Variants in TEKT5 observed in about 807,000 individuals in gnomAD.
TEKT5 encodes the protein tektin-5.
A neutral mutation model predicts 48.7 loss-of-function variants in TEKT5; 52 were observed. The ratio of observed to expected loss-of-function variants is 1.07; its 90% CI spans 0.86 to 1.35. The LOEUF (loss-of-function observed/expected upper bound fraction) is 1.35, where lower values mean the gene tolerates loss of function less well. Ranked by LOEUF, TEKT5 falls within the 40% of genes most tolerant of loss-of-function variation. The probability of loss-of-function intolerance (pLI) is 0.00; values close to 1 mark genes in which losing one functional copy is unlikely to be tolerated. For missense variants in TEKT5, 831 were observed against 641.6 expected, an observed-to-expected ratio of 1.30 and a Z score of -3.19; for synonymous variants, 318 against 267.6, an observed-to-expected ratio of 1.19 and a Z score of -1.84.
At chr16:10,687,178 T>C (rs1898876489) in intron 3 of TEKT5, among the ~76,000 whole-genome samples, 1 of 152,172 alleles carries the variant, frequency 6.6e-6, no homozygotes, top group South Asian at 2.1e-4. Flanking sequence ...TTAACAACAA[T>C]GTACTGTGTT....
intron 5 of TEKT5, among the ~76,000 whole-genome samples, chr16:10,673,879 T>C (rs1415358093): frequency 6.6e-6 from 1 of 151,964 alleles, no homozygotes. Flanking sequence ...CTCGAACTCC[T>C]GACCTCAAGT....
rs1281886743 is a variant in TEKT5 at position 10,679,824 on chromosome 16, GA to G, written c.863+2168del. 3.3e-5 allele frequency among the ~76,000 whole-genome samples: 5 copies of G among 152,188 alleles called. No individual in the cohort carries two copies. The East Asian group carries it at 9.6e-4, about 29-fold the overall frequency. On this transcript the variant is annotated intron_variant, in intron 4 of 6. Transcript: ENST00000283025. ...AGGCAGGAGCATCGCTTGAACCCAG[GA>G]GATGGAGGCTGTGGTGAGCCGAGAT...
chr16:10,685,293 T>C (rs567955153), intron 3 of TEKT5, among the ~76,000 whole-genome samples: 34 of 152,150 alleles, frequency 2.2e-4, no homozygotes, highest in Non-Finnish European at 4.7e-4. Context: ...CATCTCCCTC[T>C]CTCTTTCTCT....
chr16:10,682,970 C>A (rs1226495019), intron 3 of TEKT5, among the ~76,000 whole-genome samples: 1 of 152,142 alleles, frequency 6.6e-6, no homozygotes, highest in African/African-American at 2.4e-5. Context: ...GCAAATAAGA[C>A]GACCCAGTCA....
intron 5 of TEKT5, among the ~76,000 whole-genome samples, chr16:10,660,424 G>A (rs1010819725): frequency 6.6e-6 from 1 of 152,034 alleles, no homozygotes; most frequent in South Asian, 2.1e-4. Flanking sequence ...TGTCCTGGAG[G>A]TAAAAGGTCA....
At chr16:10,634,662 G>T (rs1897888045) in intron 6 of TEKT5, among the ~76,000 whole-genome samples, 1 of 152,172 alleles carries the variant, frequency 6.6e-6, no homozygotes, top group Non-Finnish European at 1.5e-5. Context: ...TCCATGGTTA[G>T]GTTACAAAAG....
At chr16:10,682,214 T>G in intron 3 of TEKT5, 78 bp from the exon 4 acceptor site, 1 of 1,523,580 alleles carries the variant, frequency 6.6e-7, no homozygotes. Context: ...CAGGTGTGTG[T>G]TGCAAGCCCT....
intron 3 of TEKT5, among the ~76,000 whole-genome samples, chr16:10,688,666 C>T (rs1596421477): frequency 6.6e-6 from 1 of 152,328 alleles, no homozygotes; most frequent in East Asian, 1.9e-4. Context: ...TCACTATGGG[C>T]CCCAAGCCCC....
intron 4 of TEKT5, among the ~76,000 whole-genome samples, chr16:10,678,949 G>A (rs1435940482): frequency 6.6e-6 from 1 of 152,152 alleles, no homozygotes; most frequent in Non-Finnish European, 1.5e-5. Flanking sequence ...GGCTTTGCTG[G>A]AGAGGCAGGA....
chr16:10,652,913 G>A (rs1365123548), intron 5 of TEKT5, among the ~76,000 whole-genome samples: 1 of 135,218 alleles, frequency 7.4e-6, no homozygotes, highest in South Asian at 2.4e-4. Context: ...CACAGGCAGA[G>A]ACACACACAC....
At position 10,676,198 on chromosome 16, in the gene TEKT5, G is replaced by C. The variant is rs763114932; in HGVS notation, c.864-17C>G. ...ACGGAGATCCTGCAAAGGCACAAGG[G>C]TGAGTTGCAGCAGTCCTGGAAGACC... On this transcript the variant is annotated splice_polypyrimidine_tract_variant and intron_variant, in intron 4 of 6. Transcript: ENST00000283025. The C allele has an allele frequency of 1.9e-6, 3 of 1,612,948 alleles. No homozygotes were observed. The highest frequency in any genetic ancestry group is 2.5e-6 in the Non-Finnish European group (3 of 1,178,950).
intron 4 of TEKT5, among the ~76,000 whole-genome samples, chr16:10,676,796 G>A (rs762095145): frequency 6.6e-6 from 1 of 152,234 alleles, no homozygotes; most frequent in Non-Finnish European, 1.5e-5. Flanking sequence ...AACAAGAACG[G>A]CAACATCCGT....
chr16:10,659,716 G>T (rs1455515116), intron 5 of TEKT5, among the ~76,000 whole-genome samples: 1 of 152,116 alleles, frequency 6.6e-6, no homozygotes, highest in Non-Finnish European at 1.5e-5. Context: ...ACAAATCAAT[G>T]TATTCACATT....
chr16:10,662,343 TG>T (rs1728925723), intron 5 of TEKT5, among the ~76,000 whole-genome samples: 1 of 152,174 alleles, frequency 6.6e-6, no homozygotes, highest in African/African-American at 2.4e-5. Context: ...TGGGTGGAGG[TG>T]GGGGAAGTGT....
Position 10,682,303 on chromosome 16 carries a change from C to A in TEKT5, c.720-167G>T, listed in dbSNP as rs370340015. 1.4e-4 allele frequency among the ~76,000 whole-genome samples: 22 copies of A among 151,904 alleles called. 1 individual carries two copies. The highest frequency in any genetic ancestry group is 5.1e-4 in the African/African-American group (21 of 41,368). On this transcript the variant is annotated intron_variant, in intron 3 of 6. Coordinates refer to ENST00000283025, the MANE Select transcript of TEKT5 (RefSeq NM_144674.2). ...CCCACCACATACCCAGAGGCTCCCC[C>A]CAATCCAAACAGATTTGTCCTTTAT...
chr16:10,687,129 C>T (rs1396480922), intron 3 of TEKT5, among the ~76,000 whole-genome samples: 1 of 152,050 alleles, frequency 6.6e-6, no homozygotes, highest in African/African-American at 2.4e-5. Flanking sequence ...AATTTCAGTT[C>T]GTCAGGAGGA....
At chr16:10,634,400 C>G (rs1251624360) in intron 6 of TEKT5, among the ~76,000 whole-genome samples, 1 of 152,146 alleles carries the variant, frequency 6.6e-6, no homozygotes, top group African/African-American at 2.4e-5. Flanking sequence ...AAAAGAAGTA[C>G]TGCTATGAAA....
chr16:10,642,185 G>A (rs1203804466), intron 5 of TEKT5, among the ~76,000 whole-genome samples: 2 of 152,138 alleles, frequency 1.3e-5, no homozygotes, highest in Non-Finnish European at 2.9e-5. Flanking sequence ...GCTGACCCTA[G>A]AGGCACTAGC....
chr16:10,690,617 C>T (rs1179150387), intron 1 of TEKT5: 1 of 985,246 alleles, frequency 1.0e-6, no homozygotes, highest in Non-Finnish European at 1.2e-6. Context: ...GCATGAAAAC[C>T]CCTCTTTGCA....
Sources: allele counts gnomAD v4.1 joint callset (sites outside exome capture counted in the v4.1 genomes callset), GRCh38; gene constraint gnomAD v4.1.1; transcripts MANE v1.5; gene names NCBI Gene and HGNC (gene_info 2026-07-23, HGNC 2026-07-21).